TEC: variants seen among roughly 807,000 people sequenced by gnomAD.
TEC encodes the protein tec protein tyrosine kinase.
Under a neutral mutation model 93.0 loss-of-function variants are expected in TEC, and 72 were observed. The observed-to-expected ratio is 0.77, with a 90% CI of 0.64 to 0.94. The LOEUF is 0.94. TEC is among the 40% of genes least tolerant of loss of function. The pLI is 0.00. For synonymous variants in TEC, 249 were observed against 247.7 expected (o/e 1.01, Z -0.05); for missense variants, 630 against 757.9 (o/e 0.83, Z 1.98).
At chr4:48,157,486 G>A (rs752054393) in intron 8 of TEC, among the ~76,000 whole-genome samples, 3 of 152,102 alleles carry the variant, frequency 2.0e-5, no homozygotes, top group Non-Finnish European at 4.4e-5. Flanking sequence ...CCACCACCCT[G>A]TGCCACATCC....
rs764101685 is a variant in TEC at position 48,145,310 on chromosome 4, A to G, written c.1254-15T>C. On this transcript the variant is annotated splice_polypyrimidine_tract_variant and intron_variant, in intron 13 of 17. Transcript: ENST00000381501. ...GTGTCAGTTTCCTGGGAAGGAAGACATATATATAGTTACTATAGGAAAAGA... is the reference window on the plus strand; with the variant it reads ...GTGTCAGTTTCCTGGGAAGGAAGACGTATATATAGTTACTATAGGAAAAGA... 9.9e-6 allele frequency: 16 copies of G among 1,613,308 alleles called. No individual in the cohort carries two copies. In the South Asian group the frequency reaches 1.8e-4, roughly 18 times the overall value.
intron 2 of TEC, among the ~76,000 whole-genome samples, chr4:48,204,383 T>C (rs902267278): frequency 6.6e-6 from 1 of 152,180 alleles, no homozygotes; most frequent in Non-Finnish European, 1.5e-5. Flanking sequence ...AGCTCACTGA[T>C]GGAGGTTTTA....
chr4:48,244,169 T>C (rs1441056722), intron 1 of TEC, among the ~76,000 whole-genome samples: 2 of 152,176 alleles, frequency 1.3e-5, no homozygotes, highest in East Asian at 1.9e-4. Context: ...ATTTTAATAC[T>C]CCTTCCTCTC....
chr4:48,236,313 G>A (rs7655057), intron 1 of TEC, among the ~76,000 whole-genome samples: 17,530 of 150,666 alleles, frequency 0.12, 1,239 homozygotes, highest in East Asian at 0.24. Flanking sequence ...ACGGAGTCTC[G>A]CTCTGTCGCC....
intron 2 of TEC, among the ~76,000 whole-genome samples, chr4:48,212,770 T>C (rs1228561136): frequency 6.6e-6 from 1 of 152,130 alleles, no homozygotes; most frequent in Admixed American, 6.5e-5. Flanking sequence ...GAACGCCAGG[T>C]CTCAAGAGAC....
intron 12 of TEC, 130 bp from the exon 13 acceptor site, chr4:48,145,709 A>G: frequency 9.7e-7 from 1 of 1,033,626 alleles, no homozygotes; most frequent in Non-Finnish European, 1.4e-6. Flanking sequence ...AATTCCTGGT[A>G]AAACACAGAA....
intron 8 of TEC, among the ~76,000 whole-genome samples, chr4:48,160,192 C>G (rs1210080719): frequency 6.6e-6 from 1 of 152,166 alleles, no homozygotes; most frequent in Non-Finnish European, 1.5e-5. Flanking sequence ...AGCTGGGAAA[C>G]AGCAAAGCCA....
At chr4:48,164,205 G>C (rs1720787538) in intron 7 of TEC, among the ~76,000 whole-genome samples, 1 of 152,070 alleles carries the variant, frequency 6.6e-6, no homozygotes, top group Non-Finnish European at 1.5e-5. Context: ...TCAAAGTGTT[G>C]GATTAAAAAT....
intron 2 of TEC, among the ~76,000 whole-genome samples, chr4:48,222,345 G>T (rs1723294424): frequency 6.6e-6 from 1 of 152,204 alleles, no homozygotes; most frequent in African/African-American, 2.4e-5. Flanking sequence ...TGATCCTAGA[G>T]AAGCTATGCA....
chr4:48,269,726 C>T (rs1449792626), intron 1 of TEC, 26 bp downstream of exon 1: 2 of 152,422 alleles, frequency 1.3e-5, no homozygotes, highest in East Asian at 3.9e-4. Flanking sequence ...CCCGGGGCCG[C>T]CCCAGCCCGC....
At chr4:48,268,677 C>T (rs1267450436) in intron 1 of TEC, among the ~76,000 whole-genome samples, 3 of 152,178 alleles carry the variant, frequency 2.0e-5, no homozygotes, top group African/African-American at 7.2e-5. Flanking sequence ...TTCTTCCCAG[C>T]TCTTTAGCAG....
At chr4:48,264,264 T>A (rs1227825217) in intron 1 of TEC, among the ~76,000 whole-genome samples, 2 of 152,178 alleles carry the variant, frequency 1.3e-5, no homozygotes, top group African/African-American at 4.8e-5. Context: ...AGTGACTTTT[T>A]AAAGTCTTTT....
chr4:48,259,221 T>C (rs1452998087), intron 1 of TEC, among the ~76,000 whole-genome samples: 5 of 152,202 alleles, frequency 3.3e-5, no homozygotes, highest in Non-Finnish European at 7.3e-5. Context: ...GTTGAATAGA[T>C]GCAAAACCTG....
chr4:48,233,817 A>C (rs1359438491), intron 1 of TEC, among the ~76,000 whole-genome samples: 13 of 101,442 alleles, frequency 1.3e-4, no homozygotes, highest in South Asian at 6.1e-4. Context: ...AAACTCTCCC[A>C]AAAAAAAAAA....
chr4:48,234,781 AAG>A (rs1723740085), intron 1 of TEC, among the ~76,000 whole-genome samples: 1 of 152,132 alleles, frequency 6.6e-6, no homozygotes, highest in African/African-American at 2.4e-5. Flanking sequence ...TACTTTATGA[AAG>A]AGAGCTATTT....
At chr4:48,251,291 C>G (rs1560425658) in intron 1 of TEC, among the ~76,000 whole-genome samples, 1 of 152,186 alleles carries the variant, frequency 6.6e-6, no homozygotes, top group Non-Finnish European at 1.5e-5. Flanking sequence ...ATAATGTTCT[C>G]TCTACCTGGA....
chr4:48,236,458 A>AT (rs574188376), intron 1 of TEC, among the ~76,000 whole-genome samples: 1,986 of 151,910 alleles, frequency 0.013, 22 homozygotes, highest in Middle Eastern at 0.041. Context: ...ATTTTTTTGT[A>AT]TTTTTAGTAG....
chr4:48,176,821 A>T (rs920306834), intron 2 of TEC, among the ~76,000 whole-genome samples: 1 of 152,224 alleles, frequency 6.6e-6, no homozygotes, highest in African/African-American at 2.4e-5. Context: ...TCTTGATGAT[A>T]GTCCCCAAAA....
chr4:48,164,767 C>A (rs369066049), intron 7 of TEC, among the ~76,000 whole-genome samples: 22 of 152,174 alleles, frequency 1.4e-4, no homozygotes, highest in African/African-American at 5.1e-4. Flanking sequence ...TTTAGGAGGC[C>A]AAGGCAAGCA....
Sources: gnomAD v4.1 joint callset for allele counts (sites outside exome capture counted in the v4.1 genomes callset) on GRCh38, gnomAD v4.1.1 for gene constraint, MANE v1.5 for transcripts, NCBI Gene and HGNC (gene_info 2026-07-23, HGNC 2026-07-21) for gene names.